SRGAP3: variants seen among roughly 807,000 people sequenced by gnomAD.
SRGAP3 encodes SLIT-ROBO Rho GTPase-activating protein 3.
Under a neutral mutation model 121.1 loss-of-function variants are expected in SRGAP3, and 39 were observed. That is an observed-to-expected ratio of 0.32 (90% CI 0.25 to 0.42). The LOEUF (loss-of-function observed/expected upper bound fraction) is 0.42, where lower values mean the gene tolerates loss of function less well. SRGAP3 is among the 10% of genes least tolerant of loss of function. The probability of loss-of-function intolerance (pLI) is 1.00; values close to 1 mark genes in which losing one functional copy is unlikely to be tolerated. For synonymous variants in SRGAP3, 601 were observed against 570.0 expected, an observed-to-expected ratio of 1.05 and a Z score of -0.77; for missense variants, 1,213 against 1,470.6, an observed-to-expected ratio of 0.82 and a Z score of 2.86.
intron 9 of SRGAP3, among the ~76,000 whole-genome samples, chr3:9,051,167 T>C (rs552327431): frequency 2.0e-5 from 3 of 151,914 alleles, no homozygotes; most frequent in East Asian, 1.9e-4. Context: ...GCTGGGACCA[T>C]AGATATGCAC....
chr3:9,323,715 C>G (rs1955471985), intron 3 of SRGAP3, among the ~76,000 whole-genome samples: 1 of 151,304 alleles, frequency 6.6e-6, no homozygotes, highest in Non-Finnish European at 1.5e-5. Context: ...AAGTAATGAC[C>G]AGTTCTGGTT....
chr3:9,113,955 C>T (rs1351538354), intron 2 of SRGAP3, among the ~76,000 whole-genome samples: 2 of 152,094 alleles, frequency 1.3e-5, no homozygotes, highest in East Asian at 1.9e-4. Context: ...AGGAGTCCCC[C>T]GAGGAGTGTG....
chr3:9,038,442 A>C (rs1944871137), intron 10 of SRGAP3, among the ~76,000 whole-genome samples: 1 of 152,246 alleles, frequency 6.6e-6, no homozygotes. Context: ...TCTCTGAGAT[A>C]AAAACCCAGA....
chr3:9,005,159 A>G (rs1177155078), intron 18 of SRGAP3, among the ~76,000 whole-genome samples: 1 of 152,242 alleles, frequency 6.6e-6, no homozygotes, highest in Non-Finnish European at 1.5e-5. Flanking sequence ...CAAGTGACCA[A>G]AAAGCACATG....
intron 3 of SRGAP3, among the ~76,000 whole-genome samples, chr3:9,303,403 C>T (rs999754510): frequency 6.1e-5 from 9 of 147,742 alleles, no homozygotes; most frequent in Admixed American, 2.1e-4. Context: ...CCAGCCTGGG[C>T]GACAGAGTGA....
chr3:9,217,205 CT>C (rs1195806544), intron 1 of SRGAP3, among the ~76,000 whole-genome samples: 1 of 152,198 alleles, frequency 6.6e-6, no homozygotes, highest in Non-Finnish European at 1.5e-5. Flanking sequence ...ATTGACAAGG[CT>C]GGCACTCGTT....
intron 3 of SRGAP3, among the ~76,000 whole-genome samples, chr3:9,286,117 C>CAA (rs1250130878): frequency 1.9e-3 from 73 of 37,644 alleles, no homozygotes; most frequent in African/African-American, 0.01. Context: ...ATCTCAAACA[C>CAA]ACACACACAC....
chr3:9,198,689 C>G (rs1951982185), intron 1 of SRGAP3, among the ~76,000 whole-genome samples: 1 of 152,190 alleles, frequency 6.6e-6, no homozygotes, highest in African/African-American at 2.4e-5. Flanking sequence ...GGCATTGTGT[C>G]TAGCACAGGA....
At chr3:9,299,200 A>C (rs1955004559) in intron 3 of SRGAP3, among the ~76,000 whole-genome samples, 1 of 151,544 alleles carries the variant, frequency 6.6e-6, no homozygotes, top group South Asian at 2.1e-4. Flanking sequence ...GTCTCTACTA[A>C]AATACAAAAA....
intron 3 of SRGAP3, among the ~76,000 whole-genome samples, chr3:9,097,017 GTCTC>G (rs1469004344): frequency 1.4e-5 from 2 of 139,046 alleles, no homozygotes; most frequent in Non-Finnish European, 3.1e-5. Context: ...TAGAGACAGG[GTCTC>G]TCTCTATTGT....
At chr3:9,280,976 T>G (rs2600191) in intron 3 of SRGAP3, among the ~76,000 whole-genome samples, 80,324 of 151,312 alleles carry the variant, frequency 0.53, 22,057 homozygotes, top group Admixed American at 0.61. Context: ...TTGTTGGGGG[T>G]GGTGGGAGTC....
At chr3:9,004,573 T>C (rs1432162653) in intron 18 of SRGAP3, among the ~76,000 whole-genome samples, 1 of 152,180 alleles carries the variant, frequency 6.6e-6, no homozygotes, top group African/African-American at 2.4e-5. Flanking sequence ...GAGATAGACA[T>C]ATTGGTCAGT....
chr3:9,107,986 A>G (rs1948476259), intron 2 of SRGAP3, among the ~76,000 whole-genome samples: 1 of 152,180 alleles, frequency 6.6e-6, no homozygotes, highest in Non-Finnish European at 1.5e-5. Flanking sequence ...AGAGGATGGA[A>G]TTGTGGGTAG....
chr3:9,311,331 G>A (rs1171378638), intron 3 of SRGAP3, among the ~76,000 whole-genome samples: 4 of 152,310 alleles, frequency 2.6e-5, no homozygotes, highest in African/African-American at 9.6e-5. Context: ...CACGTAAAGT[G>A]CAAGGTAACG....
At chr3:9,304,103 G>A (rs376787331) in intron 3 of SRGAP3, among the ~76,000 whole-genome samples, 3 of 152,172 alleles carry the variant, frequency 2.0e-5, no homozygotes, top group Admixed American at 2.0e-4. Flanking sequence ...CCTGTGGTAC[G>A]GGACCCCATG....
chr3:9,300,880 T>C (rs144720645), intron 3 of SRGAP3, among the ~76,000 whole-genome samples: 2 of 152,154 alleles, frequency 1.3e-5, no homozygotes, highest in African/African-American at 4.8e-5. Context: ...GTCTGGGCTA[T>C]GCTGAGGTTG....
chr3:9,009,369 C>G (rs1426720431), intron 18 of SRGAP3, among the ~76,000 whole-genome samples: 1 of 152,176 alleles, frequency 6.6e-6, no homozygotes, highest in African/African-American at 2.4e-5. Context: ...GTGCTTGGTG[C>G]ATCCTGGGCC....
intron 1 of SRGAP3, among the ~76,000 whole-genome samples, chr3:9,350,475 G>A (rs1225750518): frequency 6.6e-6 from 1 of 152,200 alleles, no homozygotes; most frequent in Admixed American, 6.5e-5. Flanking sequence ...TGAGATGCTG[G>A]ATGAAATGGA....
intron 1 of SRGAP3, among the ~76,000 whole-genome samples, chr3:9,159,117 G>A (rs755630172): frequency 2.0e-5 from 3 of 151,976 alleles, no homozygotes; most frequent in Middle Eastern, 3.2e-3. Flanking sequence ...GGGGTCCTCG[G>A]GCCATCACTC....
Sources: allele counts gnomAD v4.1 joint callset (sites outside exome capture counted in the v4.1 genomes callset), GRCh38; gene constraint gnomAD v4.1.1; transcripts MANE v1.5; gene names NCBI Gene and HGNC (gene_info 2026-07-23, HGNC 2026-07-21).